TRPC4: variants seen among roughly 807,000 people sequenced by gnomAD.
TRPC4 encodes short transient receptor potential channel 4.
In TRPC4, 49 loss-of-function variants were observed where a neutral mutation model predicts 99.4. That is an observed-to-expected ratio of 0.49 (90% CI 0.39 to 0.63). TRPC4 has a LOEUF of 0.63. Ranked by LOEUF, TRPC4 falls within the 20% of genes least tolerant of loss-of-function variation. TRPC4 has a pLI of 0.00. For synonymous variants in TRPC4, 454 were observed against 425.9 expected, an observed-to-expected ratio of 1.07 and a Z score of -0.81; for missense variants, 898 against 1,152.9, an observed-to-expected ratio of 0.78 and a Z score of 3.20.
At chr13:37,796,925 C>A in intron 1 of TRPC4, among the ~76,000 whole-genome samples, 1 of 4,882 alleles carries the variant, frequency 2.0e-4, no homozygotes. Context: ...AAACTCCTCT[C>A]TACAAAAATA....
rs1201385469 is a variant in TRPC4, at chr13:37,745,436, GTATATATATATA to G, written c.897+489_897+500del. On this transcript the variant is annotated intron_variant, in intron 3 of 10. Coordinates refer to ENST00000379705, the MANE Select transcript of TRPC4 (RefSeq NM_016179.4). ...GCTGATTATTTATATATATATATGCGTATATATATATATATATATATATATATATATATATAT... is the reference window on the plus strand; with the variant it reads ...GCTGATTATTTATATATATATATGCGTATATATATATATATATATATATAT... Among the ~76,000 whole-genome samples the G allele has an allele frequency of 3.9e-4, 8 of 20,706 alleles. 1 individual carries two copies. In the East Asian group the frequency reaches 8.1e-3, roughly 21 times the overall value. 13.6% of individuals were successfully genotyped at this position (20,706 alleles called of 152,430 possible).
chr13:37,758,716 A>G (rs1405808917), intron 2 of TRPC4, among the ~76,000 whole-genome samples: 1 of 151,722 alleles, frequency 6.6e-6, no homozygotes, highest in African/African-American at 2.4e-5. Context: ...TTTTCTTAAC[A>G]TTAGTAATAC....
intron 1 of TRPC4, among the ~76,000 whole-genome samples, chr13:37,808,625 G>A (rs535601518): frequency 3.9e-5 from 6 of 152,100 alleles, no homozygotes; most frequent in South Asian, 4.1e-4. Context: ...GGGCACATCC[G>A]ATGACTAGTT....
At chr13:37,640,198 G>T (rs577898899) in intron 8 of TRPC4, among the ~76,000 whole-genome samples, 50 of 152,040 alleles carry the variant, frequency 3.3e-4, no homozygotes, top group Middle Eastern at 3.4e-3. Flanking sequence ...TATAATAAAA[G>T]AATTAATTTG....
intron 1 of TRPC4, among the ~76,000 whole-genome samples, chr13:37,813,386 T>C (rs1410356990): frequency 1.3e-5 from 2 of 151,552 alleles, no homozygotes; most frequent in Non-Finnish European, 2.9e-5. Context: ...AAATAATATA[T>C]ATTACAGTGG....
intron 1 of TRPC4, among the ~76,000 whole-genome samples, chr13:37,798,909 A>G (rs976393539): frequency 6.7e-6 from 1 of 149,084 alleles, no homozygotes; most frequent in African/African-American, 2.5e-5. Flanking sequence ...ATAGTGAGAG[A>G]CCATCTCAAT....
intron 3 of TRPC4, among the ~76,000 whole-genome samples, chr13:37,692,725 A>T (rs539236932): frequency 1.1e-3 from 166 of 152,314 alleles, no homozygotes; most frequent in Non-Finnish European, 1.9e-3. Context: ...TATAGTTGTT[A>T]TCTCTTGGTT....
At chr13:37,780,773 CCAAG>C in intron 2 of TRPC4, among the ~76,000 whole-genome samples, 1 of 151,778 alleles carries the variant, frequency 6.6e-6, no homozygotes, top group Non-Finnish European at 1.5e-5. Flanking sequence ...GTGCAAGATA[CCAAG>C]AATTCTGAGG....
chr13:37,711,658 A>G (rs1954490691), intron 3 of TRPC4, among the ~76,000 whole-genome samples: 1 of 152,102 alleles, frequency 6.6e-6, no homozygotes, highest in Non-Finnish European at 1.5e-5. Flanking sequence ...AAAGAGATTT[A>G]AAGTGAATAT....
rs1951517002 is a variant in TRPC4, at chr13:37,636,288, A to T, written c.*615T>A. Reference sequence around the variant, plus strand: ...AGACAAACACTTCTTTTACTTACTGAAAGGAAACCCTGGAACAACCTAAAA... The same window carrying T: ...AGACAAACACTTCTTTTACTTACTGTAAGGAAACCCTGGAACAACCTAAAA... On this transcript the variant is annotated 3_prime_UTR_variant, in exon 11 of 11. Coordinates refer to ENST00000379705, the MANE Select transcript of TRPC4 (RefSeq NM_016179.4). 6.6e-6 allele frequency among the ~76,000 whole-genome samples: 1 copy of T among 152,114 alleles called. No individual in the cohort carries two copies. Among genetic ancestry groups the T allele is most frequent in the Non-Finnish European group, 1.5e-5 (1 of 68,008 alleles).
At chr13:37,684,270 A>T (rs1009465056) in intron 4 of TRPC4, among the ~76,000 whole-genome samples, 7 of 152,212 alleles carry the variant, frequency 4.6e-5, no homozygotes, top group Non-Finnish European at 4.4e-5. Flanking sequence ...GTTGGAAGGC[A>T]TCTAAAAATG....
intron 1 of TRPC4, among the ~76,000 whole-genome samples, chr13:37,815,161 T>C (rs1284433916): frequency 6.6e-6 from 1 of 151,726 alleles, no homozygotes; most frequent in Non-Finnish European, 1.5e-5. Context: ...CTTCATACAA[T>C]ATGGAAAATT....
intron 1 of TRPC4, among the ~76,000 whole-genome samples, chr13:37,852,336 A>G (rs1366585069): frequency 6.6e-6 from 1 of 152,172 alleles, no homozygotes; most frequent in African/African-American, 2.4e-5. Flanking sequence ...TCAAGGCCCT[A>G]GCTCCAGATA....
At chr13:37,818,460 C>T (rs568255944) in intron 1 of TRPC4, among the ~76,000 whole-genome samples, 123 of 152,156 alleles carry the variant, frequency 8.1e-4, no homozygotes, top group Middle Eastern at 3.4e-3. Flanking sequence ...GGTATACACC[C>T]AAAGGATTAT....
intron 3 of TRPC4, among the ~76,000 whole-genome samples, chr13:37,713,161 C>G (rs1211558223): frequency 6.6e-6 from 1 of 152,074 alleles, no homozygotes; most frequent in African/African-American, 2.4e-5. Context: ...GAGTTAGCTC[C>G]TTATAGATGT....
At chr13:37,722,775 A>T (rs1318552543) in intron 3 of TRPC4, among the ~76,000 whole-genome samples, 1 of 152,216 alleles carries the variant, frequency 6.6e-6, no homozygotes, top group Admixed American at 6.5e-5. Context: ...CTCTAATGTT[A>T]ATTAGTAAAT....
At chr13:37,836,699 A>G (rs188797002) in intron 1 of TRPC4, among the ~76,000 whole-genome samples, 192 of 152,324 alleles carry the variant, frequency 1.3e-3, no homozygotes, top group African/African-American at 4.6e-3. Context: ...GGAGCCTAAA[A>G]GTTTGGAAAA....
At chr13:37,752,374 C>G (rs779477764) in intron 2 of TRPC4, among the ~76,000 whole-genome samples, 3 of 151,762 alleles carry the variant, frequency 2.0e-5, no homozygotes, top group Non-Finnish European at 4.4e-5. Context: ...ACACATGACA[C>G]ATCGATTTAT....
At chr13:37,817,319 G>A (rs747082848) in intron 1 of TRPC4, among the ~76,000 whole-genome samples, 22 of 151,924 alleles carry the variant, frequency 1.4e-4, no homozygotes, top group Non-Finnish European at 3.1e-4. Context: ...TAACCATGGA[G>A]GTGAAAGACC....
Sources: allele counts gnomAD v4.1 joint callset (sites outside exome capture counted in the v4.1 genomes callset), GRCh38; gene constraint gnomAD v4.1.1; transcripts MANE v1.5; gene names NCBI Gene and HGNC (gene_info 2026-07-23, HGNC 2026-07-21).